L3MBTL4: variants seen among roughly 807,000 people sequenced by gnomAD.
L3MBTL4 encodes the protein lethal(3)malignant brain tumor-like protein 4.
A neutral mutation model predicts 84.5 loss-of-function variants in L3MBTL4; 70 were observed. The ratio of observed to expected loss-of-function variants is 0.83; its 90% confidence interval spans 0.68 to 1.01. The LOEUF is 1.01. L3MBTL4 is among the 50% of genes least tolerant of loss of function. L3MBTL4 has a pLI of 0.00. For synonymous variants in L3MBTL4, 274 were observed against 259.8 expected, an observed-to-expected ratio of 1.05 and a Z score of -0.52; for missense variants, 715 against 754.8, an observed-to-expected ratio of 0.95 and a Z score of 0.62.
chr18:6,343,903 G>A (rs1384356158), intron 1 of L3MBTL4, among the ~76,000 whole-genome samples: 1 of 149,260 alleles, frequency 6.7e-6, no homozygotes. Context: ...GGCAGCAAAA[G>A]CAGTGCTAAA....
At chr18:6,230,352 G>A (rs1337834043) in intron 10 of L3MBTL4, among the ~76,000 whole-genome samples, 2 of 152,096 alleles carry the variant, frequency 1.3e-5, no homozygotes, top group African/African-American at 4.8e-5. Flanking sequence ...CTGCTCCTCT[G>A]GTAGTTCACT....
intron 16 of L3MBTL4, among the ~76,000 whole-genome samples, chr18:6,057,716 C>T (rs2057074831): frequency 6.6e-6 from 1 of 151,948 alleles, no homozygotes; most frequent in Admixed American, 6.6e-5. Context: ...CGAGGGAGAA[C>T]CACGTAAATA....
At chr18:6,064,587 T>A (rs1265358644) in intron 16 of L3MBTL4, among the ~76,000 whole-genome samples, 2 of 121,910 alleles carry the variant, frequency 1.6e-5, no homozygotes, top group Middle Eastern at 3.9e-3. Context: ...CTTGATTAAG[T>A]ATATTCCTAG....
chr18:6,275,317 T>A (rs1349203726), intron 4 of L3MBTL4, among the ~76,000 whole-genome samples: 2 of 152,102 alleles, frequency 1.3e-5, no homozygotes, highest in Non-Finnish European at 2.9e-5. Flanking sequence ...GTAGAGAACT[T>A]CACTGTCAAA....
At chr18:6,181,826 A>G (rs984919948) in intron 12 of L3MBTL4, among the ~76,000 whole-genome samples, 1 of 152,204 alleles carries the variant, frequency 6.6e-6, no homozygotes, top group Non-Finnish European at 1.5e-5. Context: ...CTCTGTTGCT[A>G]TAAAGGACAT....
chr18:6,012,056 C>T (rs1421394046), intron 16 of L3MBTL4, among the ~76,000 whole-genome samples: 1 of 152,138 alleles, frequency 6.6e-6, no homozygotes, highest in African/African-American at 2.4e-5. Context: ...TGAAATAACT[C>T]CTTAAACCTG....
rs111808253 is a variant in L3MBTL4, at chr18:5,957,791, CT to C, written c.1678-1405del. 9.5e-3 allele frequency among the ~76,000 whole-genome samples: 1,434 copies of C among 151,718 alleles called. 22 individuals carry two copies. The highest frequency in any genetic ancestry group is 0.033 in the African/African-American group (1,358 of 41,372). ...GCCAACATGGTGAGACCCCCCGCCC[CT>C]GCTCCATCTCTACTGAAAATACAAA... On this transcript the variant is annotated intron_variant, in intron 18 of 18. Transcript: ENST00000317931.
At chr18:6,171,402 T>A (rs1171510254) in intron 13 of L3MBTL4, among the ~76,000 whole-genome samples, 1 of 152,230 alleles carries the variant, frequency 6.6e-6, no homozygotes, top group Non-Finnish European at 1.5e-5. Context: ...TAAATTTTTT[T>A]ATAAGTAAAA....
chr18:6,265,170 C>T (rs2048576898), intron 4 of L3MBTL4, among the ~76,000 whole-genome samples: 1 of 152,192 alleles, frequency 6.6e-6, no homozygotes, highest in African/African-American at 2.4e-5. Context: ...ACTAAACTTA[C>T]ATAAATCAAA....
chr18:6,104,009 A>G (rs959869904), intron 14 of L3MBTL4, among the ~76,000 whole-genome samples: 7 of 152,164 alleles, frequency 4.6e-5, no homozygotes, highest in Non-Finnish European at 7.3e-5. Flanking sequence ...CCTGTGGGGC[A>G]CTGCAAAAGC....
chr18:6,083,170 G>T (rs1009684188), intron 15 of L3MBTL4, among the ~76,000 whole-genome samples: 1 of 152,118 alleles, frequency 6.6e-6, no homozygotes, highest in African/African-American at 2.4e-5. Flanking sequence ...TTCCAATAGC[G>T]TACAGTTTAC....
intron 1 of L3MBTL4, among the ~76,000 whole-genome samples, chr18:6,339,780 T>A (rs1411037042): frequency 6.6e-6 from 1 of 152,110 alleles, no homozygotes; most frequent in African/African-American, 2.4e-5. Flanking sequence ...ATACATATAT[T>A]AAAGACGTAA....
chr18:6,160,803 CCA>C (rs1365503456), intron 13 of L3MBTL4, among the ~76,000 whole-genome samples: 1 of 151,380 alleles, frequency 6.6e-6, no homozygotes, highest in Non-Finnish European at 1.5e-5. Flanking sequence ...CTTCCTAACT[CCA>C]GAGTCTATCA....
intron 5 of L3MBTL4, among the ~76,000 whole-genome samples, chr18:6,254,743 A>C (rs944574284): frequency 1.3e-5 from 2 of 152,194 alleles, no homozygotes; most frequent in African/African-American, 4.8e-5. Flanking sequence ...CTGTGAATCC[A>C]TTCTGCTAGA....
At chr18:6,162,689 A>G (rs950386693) in intron 13 of L3MBTL4, among the ~76,000 whole-genome samples, 3 of 152,232 alleles carry the variant, frequency 2.0e-5, no homozygotes, top group African/African-American at 7.2e-5. Flanking sequence ...AAGACACAGT[A>G]AAAGGGTGGT....
intron 17 of L3MBTL4, among the ~76,000 whole-genome samples, chr18:5,964,912 C>A (rs1370075099): frequency 6.6e-6 from 1 of 152,194 alleles, no homozygotes; most frequent in Non-Finnish European, 1.5e-5. Context: ...TCAAACACCT[C>A]TTCTGTGCAA....
At chr18:6,390,572 C>T (rs1245679372) in intron 1 of L3MBTL4, among the ~76,000 whole-genome samples, 1 of 152,000 alleles carries the variant, frequency 6.6e-6, no homozygotes, top group East Asian at 1.9e-4. Context: ...ATTGATATAC[C>T]ATTATTAGCT....
intron 1 of L3MBTL4, among the ~76,000 whole-genome samples, chr18:6,382,311 C>T (rs938547499): frequency 1.3e-5 from 2 of 152,126 alleles, no homozygotes; most frequent in Non-Finnish European, 2.9e-5. Flanking sequence ...TGTTATTACC[C>T]ACCTTCTGAA....
chr18:6,205,389 A>G (rs879397525), intron 12 of L3MBTL4, among the ~76,000 whole-genome samples: 3 of 152,222 alleles, frequency 2.0e-5, no homozygotes, highest in Non-Finnish European at 2.9e-5. Flanking sequence ...GAAATGTAAC[A>G]TAGTAAATTT....
Sources: gnomAD v4.1 joint callset for allele counts (sites outside exome capture counted in the v4.1 genomes callset) on GRCh38, gnomAD v4.1.1 for gene constraint, MANE v1.5 for transcripts, NCBI Gene and HGNC (gene_info 2026-07-23, HGNC 2026-07-21) for gene names.